UBR4: variants seen among roughly 807,000 people sequenced by gnomAD.
The protein encoded by UBR4 is ubiquitin protein ligase E3 component n-recognin 4.
A neutral mutation model predicts 575.6 loss-of-function variants in UBR4; 124 were observed. The observed-to-expected ratio is 0.22, with a 90% CI of 0.19 to 0.25. The LOEUF is 0.25. Ranked by LOEUF, UBR4 falls within the 10% of genes least tolerant of loss-of-function variation. UBR4 has a pLI of 1.00. For missense variants in UBR4, 4,818 were observed against 6,478.8 expected (o/e 0.74, Z 8.80); for synonymous variants, 2,455 against 2,473.7 (o/e 0.99, Z 0.22).
At position 19,074,909 on chromosome 1, in the gene UBR4, A is replaced by C; in HGVS notation, c.15488-13T>G. The C allele has an allele frequency of 6.2e-7, 1 of 1,613,796 alleles. No individual in the cohort carries two copies. Among genetic ancestry groups the C allele is most frequent in the Non-Finnish European group, 8.5e-7 (1 of 1,179,888 alleles). On this transcript the variant is annotated splice_polypyrimidine_tract_variant and intron_variant, in intron 105 of 105. Transcript: ENST00000375254. Reference sequence around the variant, plus strand: ...TCTGATAAAAGACCTGCAAAGCACAACGGGCAGAGGTGTGTCAGGAGCAGG... The same window carrying C: ...TCTGATAAAAGACCTGCAAAGCACACCGGGCAGAGGTGTGTCAGGAGCAGG...
chr1:19,105,213 C>T (rs1570524590), intron 84 of UBR4, 24 bp from the exon 85 acceptor site: 2 of 1,602,664 alleles, frequency 1.2e-6, no homozygotes, highest in Non-Finnish European at 1.7e-6. Flanking sequence ...GGACAGGGCA[C>T]TCTAGTCAAG....
rs1440919458 is a variant in UBR4 at position 19,117,269 on chromosome 1, A to G, written c.10775T>C (p.Leu3592Pro). The change falls in exon 73 of 106, where the codon CTG becomes CCG. Residue 3592 changes from leucine to proline, a missense_variant. By Grantham distance (98) the Leu-to-Pro change is moderately conservative. Around this residue, in one of 29 missense-constraint regions of UBR4, gnomAD observed 550 missense variants for 791.5 expected, o/e 0.69. Transcript: ENST00000375254. This position sits in a 1 kb window ranked among gnomAD's most constrained non-coding sequence, Gnocchi z 4.0. ...KRTKMVRTIN[L>P]YYNNRTVQAI... ...CTGCACGGTTCGGTTGTTATAATAC[A>G]GGTTGATGGTCCGCACCATCTTGGT... 1 of 1,614,068 alleles carries G rather than the reference A, an allele frequency of 6.2e-7. No individual in the cohort carries two copies. Among genetic ancestry groups the G allele is most frequent in the Non-Finnish European group, 8.5e-7 (1 of 1,180,040 alleles).
intron 11 of UBR4, among the ~76,000 whole-genome samples, chr1:19,189,124 A>G (rs914700118): frequency 6.6e-6 from 1 of 152,264 alleles, no homozygotes; most frequent in African/African-American, 2.4e-5. Context: ...ATACAAATAC[A>G]TGAAATATCA....
rs1386833286 is a variant in UBR4 at position 19,088,604 on chromosome 1, T to C, written c.14430+155A>G. Among the ~76,000 whole-genome samples, 1 of 152,214 alleles carries C rather than the reference T, an allele frequency of 6.6e-6. No homozygotes were observed. Among genetic ancestry groups the C allele is most frequent in the Non-Finnish European group, 1.5e-5 (1 of 68,026 alleles). ...TCTCATCTGTATGATAGAACGATAGTAGTTCCACCTCTGAGAGGGCCGAAC... is the reference window on the plus strand; with the variant it reads ...TCTCATCTGTATGATAGAACGATAGCAGTTCCACCTCTGAGAGGGCCGAAC... On this transcript the variant is annotated intron_variant, in intron 98 of 105. Transcript: ENST00000375254. This position sits in a 1 kb window ranked among gnomAD's most constrained non-coding sequence, Gnocchi z 4.0.
At position 19,186,574 on chromosome 1, in the gene UBR4, G is replaced by A. The variant is rs374342806; in HGVS notation, c.1716C>T (p.Asp572=). 68 of 1,613,940 alleles carry A rather than the reference G, an allele frequency of 4.2e-5. No homozygotes were observed. Among genetic ancestry groups the A allele is most frequent in the Middle Eastern group, 1.6e-4 (1 of 6,080 alleles). ...ASTDSNTYYE[D]DFSSTEEDSS... Reference sequence around the variant, plus strand: ...TGTCCTCCTCCGTGCTACTGAAATCGTCCTCATAGTAAGTATTGGAGTCGG... The same window carrying A: ...TGTCCTCCTCCGTGCTACTGAAATCATCCTCATAGTAAGTATTGGAGTCGG... Residue 572 remains aspartate (D), a synonymous_variant, in exon 14 of 106, where the codon GAC becomes GAT. Transcript: ENST00000375254.
At chr1:19,197,589 T>C (rs1292644137) in intron 7 of UBR4, 81 bp downstream of exon 7, 1 of 1,551,232 alleles carries the variant, frequency 6.4e-7, no homozygotes, top group South Asian at 1.2e-5. Flanking sequence ...ACTGCACCCC[T>C]GCACTCCAGC....
chr1:19,154,860 G>C (rs2086233181), intron 44 of UBR4, 58 bp downstream of exon 44: 3 of 1,597,318 alleles, frequency 1.9e-6, no homozygotes, highest in Non-Finnish European at 1.7e-6. Context: ...AGTGGGAGTG[G>C]AGATCCCACA....
At chr1:19,143,528 TGTAG>T (rs566068795) in intron 55 of UBR4, among the ~76,000 whole-genome samples, 234 of 152,338 alleles carry the variant, frequency 1.5e-3, no homozygotes, top group African/African-American at 5.4e-3. Context: ...TCCAACTTAT[TGTAG>T]GTAAGTCCAC....
In UBR4 at chr1:19,089,186, C is replaced by G. The variant is rs1346190541; in HGVS notation, c.14212-209G>C. 1.3e-5 allele frequency among the ~76,000 whole-genome samples: 2 copies of G among 152,222 alleles called. No homozygotes were observed. Among genetic ancestry groups the G allele is most frequent in the African/African-American group, 4.8e-5 (2 of 41,444 alleles). ...CCACTGCCTCTGACCAATTCCTATG[C>G]TCTAAGCTCAGTATTTCCATCTATA... On this transcript the variant is annotated intron_variant, in intron 97 of 105. Transcript: ENST00000375254. This position sits in a 1 kb window ranked among gnomAD's most constrained non-coding sequence, Gnocchi z 4.3.
Position 19,177,700 on chromosome 1 carries a change from G to A in UBR4, c.2398C>T (p.Pro800Ser), listed in dbSNP as rs147963111. The A allele has an allele frequency of 1.3e-4, 214 of 1,613,834 alleles. No homozygotes were observed. The highest frequency in any genetic ancestry group is 1.2e-4 in the Admixed American group (7 of 59,978). ...ACATTCAGATCCTCTGTCTCACTGG[G>A]CACCACACCTTGCAGGGCATTCTGC... ...MKQNALQGVV[P>S]SETEDLNVEH... The change falls in exon 19 of 106, where the codon CCC becomes TCC. Residue 800 changes from proline (P) to serine (S), a missense_variant. Coordinates refer to ENST00000375254, the MANE Select transcript of UBR4 (RefSeq NM_020765.3).
chr1:19,164,687 G>A, intron 32 of UBR4, 112 bp downstream of exon 32: 1 of 1,374,162 alleles, frequency 7.3e-7, no homozygotes, highest in Non-Finnish European at 1.0e-6. Context: ...GAGAGAGGTA[G>A]ATACAAAAAT....
Position 19,074,566 on chromosome 1 carries a change from G to A in UBR4, c.*266C>T. ...TCTCAAGATGTGCACACTCAAGTAT[G>A]AAGCTGGCCGGGACAACTCATGGCT... On this transcript the variant is annotated 3_prime_UTR_variant, in exon 106 of 106. Coordinates refer to ENST00000375254, the MANE Select transcript of UBR4 (RefSeq NM_020765.3). 3 of 521,428 alleles carry A rather than the reference G, an allele frequency of 5.8e-6. No individual in the cohort carries two copies. The allele number at this position is 521,428 out of a possible 1,614,324, so 32.3% of individuals were successfully genotyped here. A position where few individuals can be genotyped will look rare whatever the true frequency, so the allele number is the denominator to read the frequency against.
At position 19,134,086 on chromosome 1, in the gene UBR4, T is replaced by TAAAAAAAAA. The variant is rs71030132; in HGVS notation, c.8906+3912_8906+3920dup. 2.3e-3 allele frequency among the ~76,000 whole-genome samples: 122 copies of TAAAAAAAAA among 52,514 alleles called. 3 individuals carry two copies. Among genetic ancestry groups the TAAAAAAAAA allele is most frequent in the East Asian group, 8.8e-3 (13 of 1,476 alleles). 34.5% of individuals were successfully genotyped at this position (52,514 alleles called of 152,430 possible). On this transcript the variant is annotated intron_variant, in intron 60 of 105. Coordinates refer to ENST00000375254, the MANE Select transcript of UBR4 (RefSeq NM_020765.3). ...GGGCAAGAGAGTGAGACTCTGTCTC[T>TAAAAAAAAA]AAAAAAAAAAAAAAAAAAAAAAAAA...
Position 19,156,318 on chromosome 1 carries a change from G to A in UBR4, c.6025C>T (p.Pro2009Ser), listed in dbSNP as rs768457290. ...ATTGCTAACTCGGTCTGTGAACCAG[G>A]TAACCACACGGCTTTGATGATGAAG... The part of the protein sequence containing the change: ...GNFIIKAVWL[P>S]GSQTELAIVT... The change falls in exon 42 of 106, where the codon CCT becomes TCT. Residue 2009 changes from proline to serine, a missense_variant. Transcript: ENST00000375254. The A allele has an allele frequency of 1.7e-5, 27 of 1,614,062 alleles. No homozygotes were observed. The highest frequency in any genetic ancestry group is 2.0e-5 in the Non-Finnish European group (24 of 1,180,026).
chr1:19,152,601 A>G lies in UBR4; in HGVS notation c.6833-125T>C. On this transcript the variant is annotated intron_variant, in intron 46 of 105. Transcript: ENST00000375254. This position sits in a 1 kb window ranked among gnomAD's most constrained non-coding sequence, Gnocchi z 4.4. Reference sequence around the variant, plus strand: ...ATCTAAGCAAACTCTGGATTATAACATTTGCATCGGCATGATGCCTACATG... The same window carrying G: ...ATCTAAGCAAACTCTGGATTATAACGTTTGCATCGGCATGATGCCTACATG... 1 of 1,288,720 alleles carries G rather than the reference A, an allele frequency of 7.8e-7. No individual in the cohort carries two copies. The highest frequency in any genetic ancestry group is 1.1e-6 in the Non-Finnish European group (1 of 927,864). 79.8% of individuals were successfully genotyped at this position (1,288,720 alleles called of 1,614,324 possible). A position where few individuals can be genotyped will look rare whatever the true frequency, so the allele number is the denominator to read the frequency against.
chr1:19,143,994 C>A lies in UBR4; in HGVS notation c.8165G>T (p.Ser2722Ile). ...CCTCATATTACCCATTGGAGTGTTGCTTCGAGGGGAAGAGGGTAAAGTCAC... is the reference window on the plus strand; with the variant it reads ...CCTCATATTACCCATTGGAGTGTTGATTCGAGGGGAAGAGGGTAAAGTCAC... ...RHVTLPSSPR[S>I]NTPMGDKDDD... is the part of the protein sequence containing the mutation. The change falls in exon 55 of 106, where the codon AGC becomes ATC. Residue 2722 changes from serine (S) to isoleucine (I), a missense_variant. By Grantham distance (142) the Ser-to-Ile change is moderately radical. Transcript: ENST00000375254. The A allele has an allele frequency of 6.2e-7, 1 of 1,613,742 alleles. No individual in the cohort carries two copies. Among genetic ancestry groups the A allele is most frequent in the Non-Finnish European group, 8.5e-7 (1 of 1,179,710 alleles).
chr1:19,174,812 C>T, intron 21 of UBR4, 142 bp downstream of exon 21: 1 of 794,286 alleles, frequency 1.3e-6, no homozygotes, highest in Non-Finnish European at 1.9e-6. Flanking sequence ...GTAACATTTT[C>T]CTATTAGAAT....
intron 44 of UBR4, among the ~76,000 whole-genome samples, chr1:19,154,282 C>T (rs752646854): frequency 6.6e-6 from 1 of 152,198 alleles, no homozygotes; most frequent in East Asian, 1.9e-4. Context: ...CCAAACACAT[C>T]GAGTTAGTGT....
In UBR4 at chr1:19,166,924, C is replaced by A; in HGVS notation, c.4109+98G>T. On this transcript the variant is annotated intron_variant, in intron 29 of 105. Coordinates refer to ENST00000375254, the MANE Select transcript of UBR4 (RefSeq NM_020765.3). Reference sequence around the variant, plus strand: ...ATAAAAAAAAAACCACACACAAAAACAATAAGCTATTAATGACCTAAAGGC... The same window carrying A: ...ATAAAAAAAAAACCACACACAAAAAAAATAAGCTATTAATGACCTAAAGGC... 4 of 1,337,394 alleles carry A rather than the reference C, an allele frequency of 3.0e-6. No homozygotes were observed. The South Asian group carries it at 3.8e-5, about 13-fold the overall frequency. 82.8% of individuals were successfully genotyped at this position (1,337,394 alleles called of 1,614,324 possible). A position where few individuals can be genotyped will look rare whatever the true frequency, so the allele number is the denominator to read the frequency against.
Sources: gnomAD v4.1 joint callset for allele counts (sites outside exome capture counted in the v4.1 genomes callset) on GRCh38, gnomAD v4.1.1 for gene constraint, gnomAD v4.1.1 regional missense constraint, Gnocchi (gnomAD v3.1) non-coding constraint, MANE v1.5 for transcripts, NCBI Gene and HGNC (gene_info 2026-07-23, HGNC 2026-07-21) for gene names.